GHR: variants seen among roughly 807,000 people sequenced by gnomAD.
The protein encoded by GHR is GH receptor.
GHR carries 35 observed loss-of-function variants against 67.1 expected under a neutral mutation model. The ratio of observed to expected loss-of-function variants is 0.52; its 90% CI spans 0.40 to 0.69. The LOEUF (loss-of-function observed/expected upper bound fraction) is 0.69, where lower values mean the gene tolerates loss of function less well. GHR is among the 30% of genes least tolerant of loss of function. GHR has a pLI of 0.00. For missense variants in GHR, 792 were observed against 764.6 expected, an observed-to-expected ratio of 1.04 and a Z score of -0.42; for synonymous variants, 272 against 269.1, an observed-to-expected ratio of 1.01 and a Z score of -0.10.
chr5:42,650,031 T>G (rs1262246790), intron 3 of GHR, among the ~76,000 whole-genome samples: 1 of 152,102 alleles, frequency 6.6e-6, no homozygotes, highest in Non-Finnish European at 1.5e-5. Context: ...TCTAGTGAAG[T>G]GAGAATATTG....
chr5:42,564,407 G>A (rs1056032294), intron 1 of GHR, among the ~76,000 whole-genome samples: 3 of 151,198 alleles, frequency 2.0e-5, no homozygotes, highest in African/African-American at 7.3e-5. Context: ...TGTTTCTCAC[G>A]TGAAATCTCA....
At chr5:42,441,658 C>T (rs1172838025) in intron 1 of GHR, among the ~76,000 whole-genome samples, 12 of 152,066 alleles carry the variant, frequency 7.9e-5, no homozygotes, top group East Asian at 7.7e-4. Context: ...TACAGGTGCC[C>T]TCCACCACGC....
intron 1 of GHR, chr5:42,565,632 TG>T (rs1400093160): frequency 7.7e-5 from 76 of 985,136 alleles, no homozygotes; most frequent in Non-Finnish European, 8.7e-5. Context: ...CTAGTGTTCA[TG>T]TTATTTCCTG....
At chr5:42,656,592 C>T (rs1320476816) in intron 3 of GHR, among the ~76,000 whole-genome samples, 1 of 152,134 alleles carries the variant, frequency 6.6e-6, no homozygotes, top group Non-Finnish European at 1.5e-5. Context: ...TATTGTATTG[C>T]CCTACCTGGC....
At chr5:42,691,611 T>C (rs116495183) in intron 4 of GHR, among the ~76,000 whole-genome samples, 2,564 of 152,330 alleles carry the variant, frequency 0.017, 62 homozygotes, top group African/African-American at 0.056. Flanking sequence ...TTATCCAAAG[T>C]CAGAGTCAGT....
intron 6 of GHR, 145 bp from the exon 7 acceptor site, chr5:42,711,062 A>T: frequency 1.4e-6 from 1 of 700,562 alleles, no homozygotes. Context: ...TCTTCCTTTA[A>T]ATAACAAATG....
chr5:42,463,076 CCTTT>C (rs1385872871), intron 1 of GHR, among the ~76,000 whole-genome samples: 5 of 152,124 alleles, frequency 3.3e-5, no homozygotes, highest in African/African-American at 1.2e-4. Flanking sequence ...ATTTACTTAA[CCTTT>C]CTTTATTTAA....
chr5:42,702,588 A>C (rs1206085892), intron 6 of GHR, among the ~76,000 whole-genome samples: 2 of 152,094 alleles, frequency 1.3e-5, no homozygotes, highest in East Asian at 3.8e-4. Context: ...ATCACATGGT[A>C]GTTCTATTTT....
intron 5 of GHR, among the ~76,000 whole-genome samples, chr5:42,698,903 A>G (rs1328550132): frequency 6.6e-6 from 1 of 152,220 alleles, no homozygotes; most frequent in African/African-American, 2.4e-5. Context: ...TAGCTTTGGA[A>G]TCCATATTTT....
intron 1 of GHR, among the ~76,000 whole-genome samples, chr5:42,464,170 G>T (rs1744627426): frequency 1.3e-5 from 2 of 151,118 alleles, no homozygotes; most frequent in African/African-American, 4.9e-5. Context: ...CTTACTACCT[G>T]CTGCTGACTC....
chr5:42,467,632 AC>A, intron 1 of GHR: 1 of 1,606,390 alleles, frequency 6.2e-7, no homozygotes, highest in Non-Finnish European at 8.5e-7. Flanking sequence ...TTTTGAGCAA[AC>A]ATAAGGTTTC....
intron 3 of GHR, among the ~76,000 whole-genome samples, chr5:42,641,433 A>G: frequency 6.6e-6 from 1 of 152,098 alleles, no homozygotes; most frequent in East Asian, 1.9e-4. Flanking sequence ...TTTGATGATC[A>G]ATTTTAACAA....
At chr5:42,690,201 A>G (rs1003444971) in intron 4 of GHR, among the ~76,000 whole-genome samples, 18 of 152,190 alleles carry the variant, frequency 1.2e-4, no homozygotes, top group Admixed American at 1.0e-3. Flanking sequence ...CCAACCGAAG[A>G]GCTGGAATAG....
At chr5:42,647,725 G>C in intron 3 of GHR, 1 of 436,824 alleles carries the variant, frequency 2.3e-6, no homozygotes, top group Non-Finnish European at 4.5e-6. Flanking sequence ...AAATTACAAG[G>C]AAATCTAGCT....
chr5:42,433,730 GTAT>G (rs1331319971), intron 1 of GHR, among the ~76,000 whole-genome samples: 8 of 129,442 alleles, frequency 6.2e-5, no homozygotes, highest in African/African-American at 2.3e-4. Context: ...TTAAGATATG[GTAT>G]TTTTTTTTTT....
At chr5:42,626,912 C>T (rs1279058570) in intron 2 of GHR, among the ~76,000 whole-genome samples, 2 of 152,140 alleles carry the variant, frequency 1.3e-5, no homozygotes, top group Admixed American at 6.5e-5. Flanking sequence ...CACCTTTCAC[C>T]ACCAAGCCCA....
At chr5:42,634,037 G>A (rs937697215) in intron 3 of GHR, among the ~76,000 whole-genome samples, 7 of 152,006 alleles carry the variant, frequency 4.6e-5, no homozygotes, top group African/African-American at 1.7e-4. Context: ...CGCAGTTTAA[G>A]TACTCAGCCT....
intron 3 of GHR, among the ~76,000 whole-genome samples, chr5:42,648,606 T>A (rs1408137377): frequency 6.6e-6 from 1 of 152,102 alleles, no homozygotes; most frequent in Non-Finnish European, 1.5e-5. Context: ...ATCGGAAATC[T>A]GGGAATTCAG....
chr5:42,585,128 G>A (rs960395456), intron 2 of GHR, among the ~76,000 whole-genome samples: 3 of 152,152 alleles, frequency 2.0e-5, no homozygotes, highest in Non-Finnish European at 2.9e-5. Flanking sequence ...TTGTGCAATA[G>A]TTTAAGCCCC....
Sources: allele counts gnomAD v4.1 joint callset (sites outside exome capture counted in the v4.1 genomes callset), GRCh38; gene constraint gnomAD v4.1.1; transcripts MANE v1.5; gene names NCBI Gene and HGNC (gene_info 2026-07-23, HGNC 2026-07-21).